Variants in COQ10A observed in about 807,000 individuals in gnomAD.
The protein encoded by COQ10A is coenzyme Q-binding protein COQ10 homolog A, mitochondrial.
A neutral mutation model predicts 26.1 loss-of-function variants in COQ10A; 25 were observed. The observed-to-expected ratio is 0.96, with a 90% confidence interval of 0.70 to 1.34. The LOEUF (loss-of-function observed/expected upper bound fraction) is 1.34, where lower values mean the gene tolerates loss of function less well. COQ10A is among the 40% of genes most tolerant of loss of function. The pLI is 0.00. For synonymous variants in COQ10A, 132 were observed against 124.0 expected, an observed-to-expected ratio of 1.06 and a Z score of -0.43; for missense variants, 312 against 335.4, an observed-to-expected ratio of 0.93 and a Z score of 0.54.
chr12:56,269,016 A>G (rs1263531706), intron 2 of COQ10A, 43 bp from the exon 3 acceptor site: 1 of 1,578,552 alleles, frequency 6.3e-7, no homozygotes, highest in Non-Finnish European at 8.7e-7. Flanking sequence ...GAGGAACCTG[A>G]CCCAGCTGGC....
chr12:56,269,339 T>G, intron 3 of COQ10A, 88 bp downstream of exon 3: 1 of 1,482,196 alleles, frequency 6.7e-7, no homozygotes, highest in Non-Finnish European at 9.4e-7. Flanking sequence ...TTGTAAGTAC[T>G]TTATGTCCAT....
At chr12:56,269,601 T>A (rs781707889) in intron 4 of COQ10A, 40 bp downstream of exon 4, 1 of 1,331,312 alleles carries the variant, frequency 7.5e-7, no homozygotes, top group Non-Finnish European at 1.1e-6. Context: ...GAGGACTGGG[T>A]ATGAGGAAGG....
intron 1 of COQ10A, chr12:56,267,574 C>A: frequency 8.4e-7 from 1 of 1,186,068 alleles, no homozygotes; most frequent in Non-Finnish European, 1.2e-6. Flanking sequence ...CCCTTTTTCT[C>A]ATCCCCCTCA....
At position 56,270,894 on chromosome 12, in the gene COQ10A, C is replaced by G. The variant is rs1484735155; in HGVS notation, c.*577C>G. On this transcript the variant is annotated 3_prime_UTR_variant, in exon 5 of 5. Transcript: ENST00000308197. Reference sequence around the variant, plus strand: ...GAACGGAAACGGAGTTGTCTTTGTACTCTTGAGTTGTACCTTATTCTTCCA... The same window carrying G: ...GAACGGAAACGGAGTTGTCTTTGTAGTCTTGAGTTGTACCTTATTCTTCCA... The G allele has an allele frequency of 6.6e-6, 1 of 152,220 alleles. No individual in the cohort carries two copies. Among genetic ancestry groups the G allele is most frequent in the East Asian group, 1.9e-4 (1 of 5,198 alleles). 9.4% of individuals were successfully genotyped at this position (152,220 alleles called of 1,614,324 possible). A position where few individuals can be genotyped will look rare whatever the true frequency, so the allele number is the denominator to read the frequency against.
intron 1 of COQ10A, chr12:56,267,511 G>A (rs1439192146): frequency 1.9e-6 from 3 of 1,559,180 alleles, no homozygotes; most frequent in Non-Finnish European, 2.7e-6. Context: ...TAAAGTCTTA[G>A]CTTTCAGCAG....
rs1872434186 is a variant in COQ10A at position 56,269,197 on chromosome 12, T to A, written c.420T>A (p.Pro140=). The A allele has an allele frequency of 4.3e-6, 7 of 1,614,184 alleles. No individual in the cohort carries two copies. The East Asian group carries it at 1.6e-4, about 36-fold the overall frequency. Residue 140 remains proline (P), a synonymous_variant, in exon 3 of 5, where the codon CCT becomes CCA. Transcript: ENST00000308197. ...CCCAGCTGGAGGTTGGCTTTCCACCTGTCATGGAACGTTACACCTCTGCAG... is the reference window on the plus strand; with the variant it reads ...CCCAGCTGGAGGTTGGCTTTCCACCAGTCATGGAACGTTACACCTCTGCAG... ...LKAQLEVGFP[P]VMERYTSAVS...
rs202236640 is a variant in COQ10A at position 56,270,230 on chromosome 12, T to C, written c.657T>C (p.Ala219=). Reference sequence around the variant, plus strand: ...ATGAGGTTGTCAAACAGAATGTTGCTGCCTTTGAGCGTCGGGCAGCCACCA... The same window carrying C: ...ATGAGGTTGTCAAACAGAATGTTGCCGCCTTTGAGCGTCGGGCAGCCACCA... The part of the protein sequence containing the change: ...FFDEVVKQNV[A]AFERRAATKF... The change falls in exon 5 of 5, where the codon GCT becomes GCC. Residue 219 remains alanine (A), a synonymous_variant. Coordinates refer to ENST00000308197, the MANE Select transcript of COQ10A (RefSeq NM_144576.4). The C allele has an allele frequency of 2.4e-5, 38 of 1,614,084 alleles. No homozygotes were observed. Among genetic ancestry groups the C allele is most frequent in the Non-Finnish European group, 6.8e-6 (8 of 1,180,024 alleles).
At chr12:56,270,124 TCTGA>T (rs765563621) in intron 4 of COQ10A, 22 bp from the exon 5 acceptor site, 25 of 1,606,042 alleles carry the variant, frequency 1.6e-5, no homozygotes, top group African/African-American at 6.7e-5. Flanking sequence ...TCTGGAAGTT[TCTGA>T]CTGTCTCTTA....
chr12:56,270,495 G>A lies in COQ10A; in HGVS notation c.*178G>A. On this transcript the variant is annotated 3_prime_UTR_variant, in exon 5 of 5. Coordinates refer to ENST00000308197, the MANE Select transcript of COQ10A (RefSeq NM_144576.4). ...CTGGAAATGTTGGGGGAAAGAGAAG[G>A]CAAAGGATGTGGAAATGAGATGTGC... is the stretch of plus-strand genomic sequence containing the variant. 3.0e-6 allele frequency: 2 copies of A among 663,784 alleles called. No individual in the cohort carries two copies. Among genetic ancestry groups the A allele is most frequent in the Non-Finnish European group, 5.0e-6 (2 of 399,722 alleles). 41.1% of individuals were successfully genotyped at this position (663,784 alleles called of 1,614,324 possible).
rs759715749 is a variant in COQ10A at position 56,269,218 on chromosome 12, T to C, written c.441T>C (p.Ser147=). The C allele has an allele frequency of 7.4e-6, 12 of 1,614,076 alleles. No homozygotes were observed. Among genetic ancestry groups the C allele is most frequent in the East Asian group, 6.7e-5 (3 of 44,902 alleles). Reference sequence around the variant, plus strand: ...CACCTGTCATGGAACGTTACACCTCTGCAGTTTCCATGGTCAAACCTCACA... The same window carrying C: ...CACCTGTCATGGAACGTTACACCTCCGCAGTTTCCATGGTCAAACCTCACA... ...GFPPVMERYT[S]AVSMVKPHMV... The change falls in exon 3 of 5, where the codon TCT becomes TCC. Residue 147 remains serine (S), a synonymous_variant. Transcript: ENST00000308197.
Position 56,270,383 on chromosome 12 carries a change from G to C in COQ10A, c.*66G>C. ...CCTACACAATTCTCTTATTTATTTG[G>C]TTTGGCTCCTGTTCCAATTTGAAAG... is the stretch of plus-strand genomic sequence containing the variant. On this transcript the variant is annotated 3_prime_UTR_variant, in exon 5 of 5. Coordinates refer to ENST00000308197, the MANE Select transcript of COQ10A (RefSeq NM_144576.4). The C allele has an allele frequency of 6.6e-7, 1 of 1,513,308 alleles. No homozygotes were observed. Among genetic ancestry groups the C allele is most frequent in the Non-Finnish European group, 9.0e-7 (1 of 1,111,008 alleles). 93.7% of individuals were successfully genotyped at this position (1,513,308 alleles called of 1,614,324 possible).
rs768961309 is a variant in COQ10A, at chr12:56,270,159, G to A, written c.586G>A (p.Glu196Lys). 13 of 1,613,586 alleles carry A rather than the reference G, an allele frequency of 8.1e-6. No individual in the cohort carries two copies. In the African/African-American group the frequency reaches 1.5e-4, roughly 18 times the overall value. The part of the protein sequence containing the change: ...TCTVDFSISF[E>K]FRSLLHSQLA... Reference sequence around the variant, plus strand: ...TCTTACCCATTCCCAGATTTCCTTTGAATTTCGTTCTCTGCTGCACTCCCA... The same window carrying A: ...TCTTACCCATTCCCAGATTTCCTTTAAATTTCGTTCTCTGCTGCACTCCCA... The change falls in exon 5 of 5, where the codon GAA becomes AAA. Residue 196 changes from glutamate to lysine, a missense_variant. Glu to Lys is a moderately conservative substitution (Grantham distance 56). Coordinates refer to ENST00000308197, the MANE Select transcript of COQ10A (RefSeq NM_144576.4).
chr12:56,268,724 C>A, intron 2 of COQ10A: 1 of 221,078 alleles, frequency 4.5e-6, no homozygotes, highest in Non-Finnish European at 9.0e-6. Flanking sequence ...GGTAATTTAC[C>A]TAAGGCCACA....
At position 56,269,541 on chromosome 12, in the gene COQ10A, A is replaced by C. The variant is rs1324557692; in HGVS notation, c.556A>C (p.Thr186Pro). 4 of 1,613,866 alleles carry C rather than the reference A, an allele frequency of 2.5e-6. No homozygotes were observed. Among genetic ancestry groups the C allele is most frequent in the Non-Finnish European group, 3.4e-6 (4 of 1,179,782 alleles). The change falls in exon 4 of 5, where the codon ACC becomes CCC. Residue 186 changes from threonine to proline, a missense_variant. Coordinates refer to ENST00000308197, the MANE Select transcript of COQ10A (RefSeq NM_144576.4). ...FSPGIPAYPR[T>P]CTVDFSISFE... ...CCCTGGTATTCCTGCCTATCCTCGAACCTGCACTGTGGACTTTTCGGTGAG... is the reference window on the plus strand; with the variant it reads ...CCCTGGTATTCCTGCCTATCCTCGACCCTGCACTGTGGACTTTTCGGTGAG...
In COQ10A at chr12:56,269,154, G is replaced by GT. The variant is rs1362291502; in HGVS notation, c.378dup (p.Lys127Ter). On this transcript the variant is annotated frameshift_variant, in exon 3 of 5. Coordinates refer to ENST00000308197, the MANE Select transcript of COQ10A (RefSeq NM_144576.4). LOFTEE classifies it high-confidence loss of function. Reference sequence around the variant, plus strand: ...AAGAAGTCTCTGGTGGTATCCAGCCGTAAGGGTCATTTGAAAGCCCAGCTG... The same window carrying GT: ...AAGAAGTCTCTGGTGGTATCCAGCCGTTAAGGGTCATTTGAAAGCCCAGCTG... The GT allele has an allele frequency of 6.2e-7, 1 of 1,614,026 alleles. No homozygotes were observed. The highest frequency in any genetic ancestry group is 1.3e-5 in the African/African-American group (1 of 74,934).
At position 56,267,302 on chromosome 12, in the gene COQ10A, G is replaced by A. The variant is rs1474310974; in HGVS notation, c.134+50G>A. ...AGGGCAGGGGGTCGCTGCGAACCCC[G>A]GGGTTCCGCGGTGGAGGGGTGCTAT... On this transcript the variant is annotated intron_variant, in intron 1 of 4. Coordinates refer to ENST00000308197, the MANE Select transcript of COQ10A (RefSeq NM_144576.4). 3 of 1,596,820 alleles carry A rather than the reference G, an allele frequency of 1.9e-6. 1 individual carries two copies. Among genetic ancestry groups the A allele is most frequent in the South Asian group, 1.1e-5 (1 of 90,170 alleles).
chr12:56,269,495 A>G lies in COQ10A; in HGVS notation c.510A>G (p.Leu170=). The change falls in exon 4 of 5, where the codon TTA becomes TTG. Residue 170 remains leucine (L), a synonymous_variant. Coordinates refer to ENST00000308197, the MANE Select transcript of COQ10A (RefSeq NM_144576.4). ...CTGATGGCAAGCTCTTCAACCACTT[A>G]GAGACTATTTGGCGATTCAGCCCTG... ...VCTDGKLFNH[L]ETIWRFSPGI... is the part of the protein sequence containing the mutation. The G allele has an allele frequency of 1.2e-6, 2 of 1,614,138 alleles. No individual in the cohort carries two copies. The highest frequency in any genetic ancestry group is 1.7e-6 in the Non-Finnish European group (2 of 1,180,010).
intron 3 of COQ10A, 99 bp downstream of exon 3, chr12:56,269,350 G>A: frequency 6.9e-7 from 1 of 1,459,002 alleles, no homozygotes; most frequent in East Asian, 2.3e-5. Flanking sequence ...TTATGTCCAT[G>A]TGTCAAGTAT....
chr12:56,269,579 G>A lies in COQ10A; in HGVS notation c.576+18G>A, dbSNP rs754609009. On this transcript the variant is annotated intron_variant, in intron 4 of 4. Coordinates refer to ENST00000308197, the MANE Select transcript of COQ10A (RefSeq NM_144576.4). The stretch of plus-strand genomic sequence containing the variant: ...ACTTTTCGGTGAGTCAGGAGGTTGT[G>A]TAGCAGAGGACGAGGACTGGGTATG... 2.1e-5 allele frequency: 32 copies of A among 1,549,988 alleles called. No individual in the cohort carries two copies. Among genetic ancestry groups the A allele is most frequent in the Admixed American group, 6.7e-5 (4 of 59,924 alleles).
Sources: gnomAD v4.1 joint callset for allele counts on GRCh38, gnomAD v4.1.1 for gene constraint, MANE v1.5 for transcripts, NCBI Gene and HGNC (gene_info 2026-07-23, HGNC 2026-07-21) for gene names.